KCND3: variants seen among roughly 807,000 people sequenced by gnomAD.
KCND3 encodes the protein A-type voltage-gated potassium channel KCND3.
A neutral mutation model predicts 51.1 loss-of-function variants in KCND3; 9 were observed. The ratio of observed to expected loss-of-function variants is 0.18; its 90% CI spans 0.11 to 0.31. The LOEUF is 0.31. Ranked by LOEUF, KCND3 falls within the 10% of genes least tolerant of loss-of-function variation. The probability of loss-of-function intolerance (pLI) is 1.00; values close to 1 mark genes in which losing one functional copy is unlikely to be tolerated. For synonymous variants in KCND3, 349 were observed against 368.0 expected (o/e 0.95, Z 0.59); for missense variants, 526 against 903.8 (o/e 0.58, Z 5.36).
intron 2 of KCND3, among the ~76,000 whole-genome samples, chr1:111,861,057 C>T (rs1357815370): frequency 6.6e-6 from 1 of 152,122 alleles, no homozygotes; most frequent in Non-Finnish European, 1.5e-5. Flanking sequence ...CAGAGCTCCT[C>T]TCACCATCTC....
At chr1:111,846,346 CG>C (rs1395484473) in intron 2 of KCND3, among the ~76,000 whole-genome samples, 3 of 152,166 alleles carry the variant, frequency 2.0e-5, no homozygotes, top group African/African-American at 7.2e-5. Flanking sequence ...TATCCTCTTT[CG>C]GGAGCTCTTC....
At chr1:111,862,355 T>A (rs954842037) in intron 2 of KCND3, among the ~76,000 whole-genome samples, 1 of 152,242 alleles carries the variant, frequency 6.6e-6, no homozygotes, top group African/African-American at 2.4e-5. Context: ...CATGTTTCAA[T>A]AGAACTTTAC....
chr1:111,858,687 G>C (rs1668202713), intron 2 of KCND3, among the ~76,000 whole-genome samples: 1 of 152,130 alleles, frequency 6.6e-6, no homozygotes, highest in African/African-American at 2.4e-5. Flanking sequence ...TTTTAGCACT[G>C]AAAGTCCCCC....
chr1:111,850,576 G>A (rs143131071), intron 2 of KCND3, among the ~76,000 whole-genome samples: 107 of 152,330 alleles, frequency 7.0e-4, no homozygotes, highest in African/African-American at 2.4e-3. Flanking sequence ...TAGCCTGGGC[G>A]CACTGAACTG....
At chr1:111,897,390 C>A (rs1437306262) in intron 2 of KCND3, among the ~76,000 whole-genome samples, 1 of 142,592 alleles carries the variant, frequency 7.0e-6, no homozygotes, top group African/African-American at 2.5e-5. Flanking sequence ...ACCTCAGTCC[C>A]AGATGTCCTT....
At chr1:111,911,969 C>T (rs932943154) in intron 2 of KCND3, among the ~76,000 whole-genome samples, 5 of 152,172 alleles carry the variant, frequency 3.3e-5, no homozygotes, top group East Asian at 1.9e-4. Context: ...GAGTTCAAGA[C>T]GACTGAGGCA....
intron 2 of KCND3, among the ~76,000 whole-genome samples, chr1:111,802,916 C>G (rs1375980440): frequency 1.3e-5 from 2 of 152,220 alleles, no homozygotes; most frequent in African/African-American, 4.8e-5. Flanking sequence ...GACTGAGCAT[C>G]AAACATTCTC....
At chr1:111,868,605 A>T (rs1327269461) in intron 2 of KCND3, among the ~76,000 whole-genome samples, 1 of 152,200 alleles carries the variant, frequency 6.6e-6, no homozygotes, top group East Asian at 1.9e-4. Context: ...AATAGCTACC[A>T]TTTATTAAGC....
intron 2 of KCND3, among the ~76,000 whole-genome samples, chr1:111,799,927 GC>G (rs368204229): frequency 2.0e-5 from 3 of 152,158 alleles, no homozygotes; most frequent in East Asian, 3.9e-4. Context: ...TGAAAATTGG[GC>G]CCCCCCGCCT....
chr1:111,862,429 GT>G (rs1388428356), intron 2 of KCND3, among the ~76,000 whole-genome samples: 4 of 152,258 alleles, frequency 2.6e-5, no homozygotes, highest in Non-Finnish European at 5.9e-5. Context: ...TAAAAAATAA[GT>G]TTTGCAATGA....
intron 2 of KCND3, among the ~76,000 whole-genome samples, chr1:111,815,545 G>A (rs912524972): frequency 6.7e-6 from 1 of 149,428 alleles, no homozygotes; most frequent in Non-Finnish European, 1.5e-5. Flanking sequence ...AGTTGCCCTG[G>A]CCTGACTTTA....
At chr1:111,895,035 G>A (rs1021471914) in intron 2 of KCND3, among the ~76,000 whole-genome samples, 2 of 150,368 alleles carry the variant, frequency 1.3e-5, no homozygotes, top group African/African-American at 4.9e-5. Context: ...AGGGATGAGA[G>A]GGAGATGTGG....
intron 2 of KCND3, among the ~76,000 whole-genome samples, chr1:111,887,877 T>C (rs1302206110): frequency 6.6e-6 from 1 of 152,202 alleles, no homozygotes; most frequent in Non-Finnish European, 1.5e-5. Context: ...CACAGGAGAC[T>C]CAGAAAATTA....
At chr1:111,857,208 T>C (rs1668115187) in intron 2 of KCND3, among the ~76,000 whole-genome samples, 1 of 152,208 alleles carries the variant, frequency 6.6e-6, no homozygotes, top group Non-Finnish European at 1.5e-5. Context: ...AGCAGCCCTG[T>C]ATGGTTTCTA....
intron 2 of KCND3, among the ~76,000 whole-genome samples, chr1:111,956,663 C>A (rs9429430): frequency 0.019 from 2,915 of 152,244 alleles, 73 homozygotes; most frequent in African/African-American, 0.066. Flanking sequence ...TCCCAGCCCT[C>A]CCCCACTTCC....
At chr1:111,977,831 CT>C (rs1311955303) in intron 2 of KCND3, among the ~76,000 whole-genome samples, 7 of 152,192 alleles carry the variant, frequency 4.6e-5, no homozygotes, top group Non-Finnish European at 1.0e-4. Context: ...ATAATACATT[CT>C]CAAAGTAGTT....
chr1:111,855,528 A>G (rs1446440417), intron 2 of KCND3, among the ~76,000 whole-genome samples: 1 of 152,178 alleles, frequency 6.6e-6, no homozygotes, highest in Non-Finnish European at 1.5e-5. Flanking sequence ...AAGGCTGTGG[A>G]GGGGATCTTC....
chr1:111,850,782 T>C (rs748803057), intron 2 of KCND3, among the ~76,000 whole-genome samples: 5 of 146,750 alleles, frequency 3.4e-5, no homozygotes, highest in East Asian at 1.9e-4. Flanking sequence ...AGTGACATTG[T>C]TGGCGGCAGA....
intron 2 of KCND3, among the ~76,000 whole-genome samples, chr1:111,876,247 C>T (rs1669043434): frequency 6.6e-6 from 1 of 152,232 alleles, no homozygotes; most frequent in African/African-American, 2.4e-5. Flanking sequence ...GTTTCCACAT[C>T]TGCAAAATGA....
Sources: allele counts gnomAD v4.1 joint callset (sites outside exome capture counted in the v4.1 genomes callset), GRCh38; gene constraint gnomAD v4.1.1; transcripts MANE v1.5; gene names NCBI Gene and HGNC (gene_info 2026-07-23, HGNC 2026-07-21).